CMTM8: variants seen among roughly 807,000 people sequenced by gnomAD.
CMTM8 encodes the protein CKLF-like MARVEL transmembrane domain-containing protein 8.
In CMTM8, 12 loss-of-function variants were observed where a neutral mutation model predicts 18.6. The ratio of observed to expected loss-of-function variants is 0.65; its 90% CI spans 0.41 to 1.05. The LOEUF (loss-of-function observed/expected upper bound fraction) is 1.05. Among genes scored for constraint, CMTM8 ranks in the 50% least tolerant of loss-of-function variants. The pLI is 0.00. For synonymous variants in CMTM8, 87 were observed against 90.6 expected (o/e 0.96, Z 0.23); for missense variants, 217 against 227.2 (o/e 0.95, Z 0.29).
intron 1 of CMTM8, among the ~76,000 whole-genome samples, chr3:32,324,090 C>T (rs73824668): frequency 0.083 from 12,581 of 152,280 alleles, 523 homozygotes; most frequent in Middle Eastern, 0.12. Flanking sequence ...CCTGTTTCTA[C>T]AGCTAGTTGA....
chr3:32,263,273 G>T (rs1039776208), intron 1 of CMTM8, among the ~76,000 whole-genome samples: 9 of 152,158 alleles, frequency 5.9e-5, no homozygotes, highest in African/African-American at 2.2e-4. Flanking sequence ...GAACAATCAG[G>T]CAGCAACGTT....
chr3:32,318,084 C>T (rs957469451), intron 1 of CMTM8, among the ~76,000 whole-genome samples: 1 of 147,922 alleles, frequency 6.8e-6, no homozygotes, highest in Admixed American at 6.8e-5. Flanking sequence ...AAAAAGAATG[C>T]GTTCTAAGTT....
At chr3:32,315,181 G>A (rs895085035) in intron 1 of CMTM8, among the ~76,000 whole-genome samples, 2 of 150,868 alleles carry the variant, frequency 1.3e-5, no homozygotes, top group African/African-American at 4.9e-5. Context: ...TCAGGCTGGA[G>A]TGCAGTGGCA....
intron 1 of CMTM8, among the ~76,000 whole-genome samples, chr3:32,336,164 C>T (rs1350467914): frequency 6.6e-6 from 1 of 152,234 alleles, no homozygotes. Context: ...ACTTTTGATA[C>T]ATGCACAGTT....
intron 1 of CMTM8, among the ~76,000 whole-genome samples, chr3:32,247,229 A>C (rs913982073): frequency 6.6e-6 from 1 of 152,204 alleles, no homozygotes; most frequent in Non-Finnish European, 1.5e-5. Flanking sequence ...ATAATTACAT[A>C]TAAAATTGAC....
intron 1 of CMTM8, among the ~76,000 whole-genome samples, chr3:32,327,923 A>G (rs533901202): frequency 1.3e-5 from 2 of 152,360 alleles, no homozygotes; most frequent in Non-Finnish European, 2.9e-5. Context: ...CAAGAAAGCA[A>G]TACTTGGCTG....
At chr3:32,336,172 G>T (rs1246615320) in intron 1 of CMTM8, among the ~76,000 whole-genome samples, 2 of 152,242 alleles carry the variant, frequency 1.3e-5, no homozygotes, top group Non-Finnish European at 2.9e-5. Context: ...TACATGCACA[G>T]TTGTACAATT....
chr3:32,294,415 C>G (rs1320420964), intron 1 of CMTM8, among the ~76,000 whole-genome samples: 1 of 152,210 alleles, frequency 6.6e-6, no homozygotes, highest in Non-Finnish European at 1.5e-5. Context: ...TTGTCCTTCT[C>G]CACGTTCCCT....
intron 1 of CMTM8, among the ~76,000 whole-genome samples, chr3:32,270,694 G>C (rs1702425841): frequency 6.6e-6 from 1 of 152,104 alleles, no homozygotes; most frequent in Admixed American, 6.6e-5. Context: ...CACAGGAAGG[G>C]GAACGTCACA....
intron 1 of CMTM8, among the ~76,000 whole-genome samples, chr3:32,301,054 A>T (rs1008509198): frequency 6.6e-6 from 1 of 152,162 alleles, no homozygotes; most frequent in Non-Finnish European, 1.5e-5. Context: ...AATGGCTGAG[A>T]TTAATAAATT....
At chr3:32,284,141 T>C (rs1283241944) in intron 1 of CMTM8, among the ~76,000 whole-genome samples, 1 of 152,172 alleles carries the variant, frequency 6.6e-6, no homozygotes, top group East Asian at 1.9e-4. Flanking sequence ...TAGTCCCAGC[T>C]ACTTGGGAGG....
chr3:32,316,822 G>A (rs150519986), intron 1 of CMTM8, among the ~76,000 whole-genome samples: 1,726 of 152,242 alleles, frequency 0.011, 11 homozygotes, highest in Non-Finnish European at 0.02. Context: ...TTATTACATG[G>A]CAGGATCAAA....
At chr3:32,240,779 C>G (rs1164091981) in intron 1 of CMTM8, among the ~76,000 whole-genome samples, 2 of 152,018 alleles carry the variant, frequency 1.3e-5, no homozygotes, top group Non-Finnish European at 2.9e-5. Context: ...TAATTATGCA[C>G]CTTTTTTGTT....
At chr3:32,351,290 T>A (rs1696701350) in intron 1 of CMTM8, among the ~76,000 whole-genome samples, 1 of 152,200 alleles carries the variant, frequency 6.6e-6, no homozygotes, top group South Asian at 2.1e-4. Flanking sequence ...TATATAGAAC[T>A]CAATGCTAGT....
chr3:32,240,644 A>G (rs977202504), intron 1 of CMTM8, among the ~76,000 whole-genome samples: 1 of 152,232 alleles, frequency 6.6e-6, no homozygotes, highest in East Asian at 1.9e-4. Flanking sequence ...CCATTACTAG[A>G]AATAATCACT....
intron 1 of CMTM8, among the ~76,000 whole-genome samples, chr3:32,333,737 A>G (rs1696327571): frequency 6.6e-6 from 1 of 151,978 alleles, no homozygotes; most frequent in African/African-American, 2.4e-5. Context: ...TAGGCAGAGC[A>G]CGGATGGTTT....
intron 1 of CMTM8, among the ~76,000 whole-genome samples, chr3:32,241,544 G>A (rs1701945950): frequency 6.6e-6 from 1 of 152,138 alleles, no homozygotes; most frequent in Admixed American, 6.5e-5. Context: ...TGTGCTGCTG[G>A]GTGATTCTGC....
chr3:32,289,827 T>G (rs1380917668), intron 1 of CMTM8, among the ~76,000 whole-genome samples: 2 of 152,050 alleles, frequency 1.3e-5, no homozygotes, highest in African/African-American at 4.8e-5. Flanking sequence ...GAATAAGAAA[T>G]ACAAGGATGG....
rs1204958917 is a variant in CMTM8 at position 32,265,940 on chromosome 3, T to A, written c.147+26821T>A. ...ATCTCTGAATAGACCAATAACAGGC[T>A]CTGAAATTGAGGCAATAATTAATAG... On this transcript the variant is annotated intron_variant, in intron 1 of 3. Transcript: ENST00000307526. 2.8e-4 allele frequency among the ~76,000 whole-genome samples: 43 copies of A among 152,204 alleles called. No individual in the cohort carries two copies. In the East Asian group the frequency reaches 7.7e-3, roughly 27 times the overall value.
Sources: gnomAD v4.1 joint callset for allele counts (sites outside exome capture counted in the v4.1 genomes callset) on GRCh38, gnomAD v4.1.1 for gene constraint, MANE v1.5 for transcripts, NCBI Gene and HGNC (gene_info 2026-07-23, HGNC 2026-07-21) for gene names.